Variants in TRANK1 observed in about 807,000 individuals in gnomAD.
The protein encoded by TRANK1 is TPR and ankyrin repeat-containing protein 1.
TRANK1 carries 198 observed loss-of-function variants against 266.0 expected under a neutral mutation model. That is an observed-to-expected ratio of 0.74 (90% CI 0.66 to 0.84). TRANK1 has a LOEUF of 0.84. Ranked by LOEUF, TRANK1 falls within the 40% of genes least tolerant of loss-of-function variation. The pLI, the probability that TRANK1 is intolerant of heterozygous loss-of-function variation, is 0.00. For missense variants in TRANK1, 3,326 were observed against 3,634.6 expected (o/e 0.92, Z 2.18); for synonymous variants, 1,396 against 1,384.1 (o/e 1.01, Z -0.19).
At chr3:36,940,329 T>C (rs9813480) in intron 1 of TRANK1, among the ~76,000 whole-genome samples, 151,247 of 151,248 alleles carry the variant, frequency 1, 75,623 homozygotes, top group Non-Finnish European at 1. Context: ...AACCCTGTCT[T>C]TACTAAAAAA....
intron 23 of TRANK1, among the ~76,000 whole-genome samples, chr3:36,829,126 G>T (rs1197695799): frequency 6.6e-6 from 1 of 152,198 alleles, no homozygotes; most frequent in Non-Finnish European, 1.5e-5. Flanking sequence ...GATTTTGTTT[G>T]TTTTATTCAG....
intron 11 of TRANK1, 50 bp from the exon 12 acceptor site, chr3:36,858,944 C>G: frequency 1.4e-6 from 2 of 1,461,814 alleles, no homozygotes; most frequent in Non-Finnish European, 1.8e-6. Context: ...CAGCCTGGCT[C>G]GCCTGACGAG....
chr3:36,901,712 C>T (rs1322561397), intron 3 of TRANK1, among the ~76,000 whole-genome samples: 3 of 151,994 alleles, frequency 2.0e-5, no homozygotes, highest in Non-Finnish European at 2.9e-5. Context: ...AGGACAATTG[C>T]GGTGGGGAAG....
chr3:36,939,136 C>CATAAATAAATAA (rs59866169), intron 1 of TRANK1, among the ~76,000 whole-genome samples: 7 of 151,192 alleles, frequency 4.6e-5, no homozygotes, highest in African/African-American at 1.7e-4. Flanking sequence ...AACCCTGTCT[C>CATAAATAAATAA]ATAAATAAAT....
chr3:36,910,596 C>G (rs1038222450), intron 1 of TRANK1, among the ~76,000 whole-genome samples: 2 of 151,680 alleles, frequency 1.3e-5, no homozygotes, highest in African/African-American at 4.8e-5. Flanking sequence ...AAAAATCAGA[C>G]AGGTGCGGTG....
intron 1 of TRANK1, among the ~76,000 whole-genome samples, chr3:36,914,086 T>C (rs1169143514): frequency 6.6e-6 from 1 of 152,040 alleles, no homozygotes; most frequent in African/African-American, 2.4e-5. Context: ...TAAATAATTA[T>C]CTACCTCCCC....
intron 1 of TRANK1, among the ~76,000 whole-genome samples, chr3:36,924,993 G>A (rs915431779): frequency 6.6e-6 from 1 of 152,182 alleles, no homozygotes; most frequent in Non-Finnish European, 1.5e-5. Context: ...GGTCTGGGGT[G>A]CTAAGGCTCT....
At position 36,855,292 on chromosome 3, in the gene TRANK1, C is replaced by A. The variant is rs1273387391; in HGVS notation, c.4430G>T (p.Arg1477Leu). 1 of 1,614,034 alleles carries A rather than the reference C, an allele frequency of 6.2e-7. No individual in the cohort carries two copies. The highest frequency in any genetic ancestry group is 1.1e-5 in the South Asian group (1 of 91,090). The part of the protein sequence containing the change: ...AQSIMKGVAF[R>L]FSDLRSLFHY... ...GAACAGAGAGCGCAGATCGCTGAAG[C>A]GGAAGGCCACGCCCTTCATGATGCT... The change falls in exon 13 of 24, where the codon CGC becomes CTC. Residue 1477 changes from arginine to leucine, a missense_variant. By Grantham distance (102) the Arg-to-Leu change is moderately radical. Coordinates refer to ENST00000645898, the MANE Select transcript of TRANK1 (RefSeq NM_001329998.2).
At chr3:36,879,871 C>CATACAAATATATGTAAAT (rs2079480359) in intron 8 of TRANK1, among the ~76,000 whole-genome samples, 2 of 17,276 alleles carry the variant, frequency 1.2e-4, no homozygotes, top group Non-Finnish European at 1.9e-4. Flanking sequence ...TATATGTAAA[C>CATACAAATATATGTAAAT]ATACAAATAT....
chr3:36,931,357 A>G (rs1489464071), intron 1 of TRANK1, among the ~76,000 whole-genome samples: 2 of 152,252 alleles, frequency 1.3e-5, no homozygotes, highest in Non-Finnish European at 2.9e-5. Flanking sequence ...AACAGTGTTT[A>G]TATTACATTC....
intron 1 of TRANK1, among the ~76,000 whole-genome samples, chr3:36,944,087 G>T (rs1302620462): frequency 6.6e-6 from 1 of 152,064 alleles, no homozygotes. Flanking sequence ...GAAACGCAAC[G>T]CGCCTCCCAG....
At chr3:36,829,787 TC>T in intron 22 of TRANK1, 125 bp from the exon 23 acceptor site, 2 of 988,760 alleles carry the variant, frequency 2.0e-6, no homozygotes, top group Non-Finnish European at 3.0e-6. Flanking sequence ...AAAAGAGCCC[TC>T]CTTATCGGGT....
Position 36,831,189 on chromosome 3 carries a change from T to C in TRANK1, c.8394A>G (p.Ala2798=), listed in dbSNP as rs780960327. 10 of 1,614,006 alleles carry C rather than the reference T, an allele frequency of 6.2e-6. No homozygotes were observed. In the Admixed American group the frequency reaches 1.7e-4, roughly 27 times the overall value. ...TTTCCAGCTCAGCCCTGGAAAGGAC[T>C]GCCACCTCGGAAGCTGCCCCCTCAA... The part of the protein sequence containing the change: ...KAFEGAASEV[A]VLSRAELERE... Residue 2798 remains alanine (A), a synonymous_variant, in exon 22 of 24, where the codon GCA becomes GCG. Coordinates refer to ENST00000645898, the MANE Select transcript of TRANK1 (RefSeq NM_001329998.2). The surrounding 1 kb of genome is among the most constrained non-coding windows in gnomAD (Gnocchi z 5.0).
At chr3:36,870,420 A>G (rs73068040) in intron 9 of TRANK1, among the ~76,000 whole-genome samples, 21,894 of 145,082 alleles carry the variant, frequency 0.15, 2,115 homozygotes, top group East Asian at 0.29. Context: ...AAAAAAAAAA[A>G]AGAGAGAGAG....
rs546962306 is a variant in TRANK1 at position 36,933,788 on chromosome 3, T to G, written c.23+10999A>C. Among the ~76,000 whole-genome samples the G allele has an allele frequency of 7.2e-5, 11 of 152,344 alleles. No homozygotes were observed. The South Asian group carries it at 2.3e-3, about 32-fold the overall frequency. On this transcript the variant is annotated intron_variant, in intron 1 of 23. Transcript: ENST00000645898. ...TTTGGTAAAAACATAGCCCTAGTAT[T>G]TGTCTGTTTTTCAAAGGGGTTCCCT...
chr3:36,918,462 A>G (rs1284819921), intron 1 of TRANK1, among the ~76,000 whole-genome samples: 2 of 133,974 alleles, frequency 1.5e-5, no homozygotes, highest in African/African-American at 5.7e-5. Flanking sequence ...AAACCCAGAA[A>G]GAAAAGAAGA....
In TRANK1 at chr3:36,846,217, A is replaced by G. The variant is rs755323541; in HGVS notation, c.5191+31T>C. The G allele has an allele frequency of 2.6e-6, 4 of 1,535,610 alleles. No individual in the cohort carries two copies. The Admixed American group carries it at 8.0e-5, about 31-fold the overall frequency. On this transcript the variant is annotated intron_variant, in intron 17 of 23. Transcript: ENST00000645898. Reference sequence around the variant, plus strand: ...CAGTTGAGAGAAACACGATTCCTCCATCAGTTAAGAGTATTTTAACAGGAT... The same window carrying G: ...CAGTTGAGAGAAACACGATTCCTCCGTCAGTTAAGAGTATTTTAACAGGAT...
At chr3:36,884,239 T>C (rs1020219344) in intron 8 of TRANK1, among the ~76,000 whole-genome samples, 8 of 152,228 alleles carry the variant, frequency 5.3e-5, no homozygotes, top group Admixed American at 2.6e-4. Flanking sequence ...ATGTATGTCC[T>C]AGCTCTTATC....
chr3:36,866,092 GA>G (rs1317826555), intron 9 of TRANK1, among the ~76,000 whole-genome samples: 5 of 150,734 alleles, frequency 3.3e-5, no homozygotes, highest in Non-Finnish European at 7.4e-5. Context: ...AAGAAAGAAA[GA>G]AAGAAAGAAA....
Sources: allele counts gnomAD v4.1 joint callset (sites outside exome capture counted in the v4.1 genomes callset), GRCh38; gene constraint gnomAD v4.1.1; non-coding constraint Gnocchi (gnomAD v3.1); transcripts MANE v1.5; gene names NCBI Gene and HGNC (gene_info 2026-07-23, HGNC 2026-07-21).